The following ABHD4 variants were observed in gnomAD, a reference collection of about 807,000 sequenced individuals.
ABHD4 encodes the protein (Lyso)-N-acylphosphatidylethanolamine lipase.
ABHD4 carries 35 observed loss-of-function variants against 42.3 expected under a neutral mutation model. That is an observed-to-expected ratio of 0.83 (90% CI 0.63 to 1.10). ABHD4 has a LOEUF of 1.10. Ranked by LOEUF, ABHD4 falls within the 50% of genes least tolerant of loss-of-function variation. ABHD4 has a pLI of 0.00. For missense variants in ABHD4, 389 were observed against 454.8 expected, an observed-to-expected ratio of 0.86 and a Z score of 1.32; for synonymous variants, 169 against 170.6, an observed-to-expected ratio of 0.99 and a Z score of 0.07.
At chr14:22,605,742 C>T in intron 4 of ABHD4, 1 of 1,150,012 alleles carries the variant, frequency 8.7e-7, no homozygotes, top group Non-Finnish European at 1.2e-6. Context: ...TCATGGCACC[C>T]CCAACCCAGC....
chr14:22,599,972 G>A (rs577549866), intron 1 of ABHD4: 6 of 287,798 alleles, frequency 2.1e-5, no homozygotes, highest in Non-Finnish European at 4.2e-5. Flanking sequence ...ACTGAGAGTT[G>A]CTACTTGCAA....
rs1296842828 is a variant in ABHD4, at chr14:22,612,829, C to T, written c.*1881C>T. On this transcript the variant is annotated 3_prime_UTR_variant, in exon 7 of 7. Transcript: ENST00000428304. Reference sequence around the variant, plus strand: ...TGCATCTCTGTGGCATATCATCTGCCCCTTTTGTAAAACTTATAAACTTGT... The same window carrying T: ...TGCATCTCTGTGGCATATCATCTGCTCCTTTTGTAAAACTTATAAACTTGT... The T allele has an allele frequency of 6.6e-6, 1 of 152,190 alleles. No individual in the cohort carries two copies. Among genetic ancestry groups the T allele is most frequent in the African/African-American group, 2.4e-5 (1 of 41,446 alleles). The allele number at this position is 152,190 out of a possible 1,614,324, so 9.4% of individuals were successfully genotyped here.
At chr14:22,598,554 G>T in intron 1 of ABHD4, 1 of 1,332,516 alleles carries the variant, frequency 7.5e-7, no homozygotes, top group Non-Finnish European at 1.0e-6. Flanking sequence ...CCGCAGCCCG[G>T]GGATCCTGGC....
chr14:22,609,862 G>C lies in ABHD4; in HGVS notation c.891G>C (p.Thr297=). 6.2e-7 allele frequency: 1 copy of C among 1,613,916 alleles called. No individual in the cohort carries two copies. Among genetic ancestry groups the C allele is most frequent in the Admixed American group, 1.7e-5 (1 of 59,996 alleles). Residue 297 remains threonine (T), a synonymous_variant, in exon 6 of 7, where the codon ACG becomes ACC. Transcript: ENST00000428304. The part of the protein sequence containing the change: ...YGSDTWIDTS[T]GKKVKMQRPD... ...CCGACACCTGGATAGATACCAGTAC[G>C]GGAAAAAAGGTGAAGATGCAGCGGC... is the stretch of plus-strand genomic sequence containing the variant.
chr14:22,611,058 C>T lies in ABHD4; in HGVS notation c.*110C>T. ...CACCAACTAACATGTGCCAGCCAGGCAGAGTCTTGTGCTGTTCCCAGAACA... is the reference window on the plus strand; with the variant it reads ...CACCAACTAACATGTGCCAGCCAGGTAGAGTCTTGTGCTGTTCCCAGAACA... On this transcript the variant is annotated 3_prime_UTR_variant, in exon 7 of 7. Transcript: ENST00000428304. The T allele has an allele frequency of 1.1e-6, 1 of 938,858 alleles. No individual in the cohort carries two copies. The highest frequency in any genetic ancestry group is 1.7e-6 in the Non-Finnish European group (1 of 597,468). 58.2% of individuals were successfully genotyped at this position (938,858 alleles called of 1,614,324 possible).
chr14:22,604,150 T>C, intron 4 of ABHD4, 71 bp downstream of exon 4: 1 of 1,547,496 alleles, frequency 6.5e-7, no homozygotes, highest in South Asian at 1.2e-5. Flanking sequence ...TCTTTCCCAC[T>C]TATTCCTAAA....
chr14:22,607,634 C>T (rs1482325584), intron 5 of ABHD4, among the ~76,000 whole-genome samples: 2 of 152,192 alleles, frequency 1.3e-5, no homozygotes, highest in African/African-American at 4.8e-5. Flanking sequence ...AATCAGGTTC[C>T]CCTGTCTTCC....
intron 3 of ABHD4, 45 bp from the exon 4 acceptor site, chr14:22,603,880 C>A (rs765068898): frequency 3.1e-6 from 5 of 1,606,294 alleles, no homozygotes; most frequent in Non-Finnish European, 4.3e-6. Context: ...ATGGCAACTA[C>A]CAGAGAATAT....
chr14:22,605,828 T>A (rs2037342971), intron 4 of ABHD4: 6 of 1,289,050 alleles, frequency 4.7e-6, no homozygotes, highest in African/African-American at 1.5e-5. Context: ...GGATCAGAAG[T>A]TGACCAGTAG....
Position 22,612,646 on chromosome 14 carries a change from AG to A in ABHD4, c.*1699del, listed in dbSNP as rs1269540533. On this transcript the variant is annotated 3_prime_UTR_variant, in exon 7 of 7. Coordinates refer to ENST00000428304, the MANE Select transcript of ABHD4 (RefSeq NM_022060.3). The stretch of plus-strand genomic sequence containing the variant: ...AACTTAGTACTTCCTGCTGCCCATT[AG>A]ACACCCTTTCTTCCTAAGTTCAAGG... 1.3e-5 allele frequency: 2 copies of A among 152,254 alleles called. No individual in the cohort carries two copies. Among genetic ancestry groups the A allele is most frequent in the African/African-American group, 4.8e-5 (2 of 41,454 alleles). The allele number at this position is 152,254 out of a possible 1,614,324, so 9.4% of individuals were successfully genotyped here.
chr14:22,610,951 T>G lies in ABHD4; in HGVS notation c.*3T>G, dbSNP rs772714529. 5.8e-5 allele frequency: 93 copies of G among 1,613,412 alleles called. No homozygotes were observed. The highest frequency in any genetic ancestry group is 7.0e-5 in the Non-Finnish European group (83 of 1,179,576). On this transcript the variant is annotated 3_prime_UTR_variant, in exon 7 of 7. Transcript: ENST00000428304. ...AGATCTGCGACTCAGTTGATTGAGC[T>G]GCTCTCTGAAGAGGAAGAGGAGAAA...
chr14:22,599,315 G>C (rs1480202074), intron 1 of ABHD4, among the ~76,000 whole-genome samples: 1 of 152,186 alleles, frequency 6.6e-6, no homozygotes, highest in African/African-American at 2.4e-5. Flanking sequence ...AGGTAGTTCA[G>C]CTCCTTTTTA....
intron 6 of ABHD4, among the ~76,000 whole-genome samples, chr14:22,610,160 C>T (rs2037395944): frequency 6.6e-6 from 1 of 152,022 alleles, no homozygotes; most frequent in Non-Finnish European, 1.5e-5. Flanking sequence ...CGGGTTCAAG[C>T]GATTCTTCTG....
Position 22,611,021 on chromosome 14 carries a change from C to G in ABHD4, c.*73C>G. 7.5e-7 allele frequency: 1 copy of G among 1,335,822 alleles called. No homozygotes were observed. Among genetic ancestry groups the G allele is most frequent in the Admixed American group, 1.8e-5 (1 of 55,904 alleles). 82.7% of individuals were successfully genotyped at this position (1,335,822 alleles called of 1,614,324 possible). On this transcript the variant is annotated 3_prime_UTR_variant, in exon 7 of 7. Transcript: ENST00000428304. ...CTCCCTGTCTGCTTACTCACCCACT[C>G]TGTCCTTTCCTCACCAACTAACATG...
chr14:22,609,739 C>T lies in ABHD4; in HGVS notation c.768C>T (p.Phe256=). 3 of 1,613,898 alleles carry T rather than the reference C, an allele frequency of 1.9e-6. No individual in the cohort carries two copies. The highest frequency in any genetic ancestry group is 2.5e-6 in the Non-Finnish European group (3 of 1,179,956). The stretch of plus-strand genomic sequence containing the variant: ...CTTTTGACAGTGGTGAGACAGCATT[C>T]AAAGCCATGATGGAGTCCTTTGGCT... ...NAQNPSGETA[F]KAMMESFGWA... is the part of the protein sequence containing the mutation. Residue 256 remains phenylalanine, a synonymous_variant, in exon 6 of 7, where the codon TTC becomes TTT. Coordinates refer to ENST00000428304, the MANE Select transcript of ABHD4 (RefSeq NM_022060.3).
chr14:22,600,358 A>G (rs1206371785), intron 1 of ABHD4, among the ~76,000 whole-genome samples: 2 of 152,224 alleles, frequency 1.3e-5, no homozygotes, highest in Non-Finnish European at 2.9e-5. Context: ...CCTGGATTTG[A>G]GATAAGGGGC....
chr14:22,604,826 T>C (rs1482203304), intron 4 of ABHD4, among the ~76,000 whole-genome samples: 1 of 151,300 alleles, frequency 6.6e-6, no homozygotes, highest in East Asian at 2.0e-4. Flanking sequence ...GCTAGGCTGG[T>C]CTTGAACTCC....
chr14:22,610,002 G>C, intron 6 of ABHD4, 92 bp downstream of exon 6: 1 of 1,236,140 alleles, frequency 8.1e-7, no homozygotes, highest in Non-Finnish European at 1.1e-6. Flanking sequence ...GGAGAAAGAG[G>C]AATGGACAGA....
rs1232801316 is a variant in ABHD4 at position 22,611,044 on chromosome 14, A to G, written c.*96A>G. On this transcript the variant is annotated 3_prime_UTR_variant, in exon 7 of 7. Transcript: ENST00000428304. ...CTCTGTCCTTTCCTCACCAACTAAC[A>G]TGTGCCAGCCAGGCAGAGTCTTGTG... 7 of 1,066,568 alleles carry G rather than the reference A, an allele frequency of 6.6e-6. No individual in the cohort carries two copies. Among genetic ancestry groups the G allele is most frequent in the Non-Finnish European group, 9.9e-6 (7 of 705,494 alleles). 66.1% of individuals were successfully genotyped at this position (1,066,568 alleles called of 1,614,324 possible). A position where few individuals can be genotyped will look rare whatever the true frequency, so the allele number is the denominator to read the frequency against.
Sources: gnomAD v4.1 joint callset for allele counts (sites outside exome capture counted in the v4.1 genomes callset) on GRCh38, gnomAD v4.1.1 for gene constraint, MANE v1.5 for transcripts, NCBI Gene and HGNC (gene_info 2026-07-23, HGNC 2026-07-21) for gene names.